Variants in DPYD observed in about 807,000 individuals in gnomAD.
DPYD encodes the protein dihydropyrimidine dehydrogenase [NADP(+)].
In DPYD, 109 loss-of-function variants were observed where a neutral mutation model predicts 116.2. That is an observed-to-expected ratio of 0.94 (90% CI 0.80 to 1.10). DPYD has a LOEUF of 1.10. Ranked by LOEUF, DPYD falls within the 50% of genes least tolerant of loss-of-function variation. The pLI is 0.00. For synonymous variants in DPYD, 440 were observed against 432.0 expected, an observed-to-expected ratio of 1.02 and a Z score of -0.23; for missense variants, 1,302 against 1,254.5, an observed-to-expected ratio of 1.04 and a Z score of -0.57.
At chr1:97,229,191 G>A (rs1378616338) in intron 19 of DPYD, among the ~76,000 whole-genome samples, 14 of 120,078 alleles carry the variant, frequency 1.2e-4, no homozygotes, top group Non-Finnish European at 2.0e-4. Context: ...GCAACAGTGC[G>A]AGACTCCTTC....
intron 8 of DPYD, among the ~76,000 whole-genome samples, chr1:97,665,450 T>C (rs901025934): frequency 2.6e-5 from 4 of 152,106 alleles, no homozygotes; most frequent in Non-Finnish European, 5.9e-5. Context: ...TTTCTAAGTA[T>C]CACAAAGGCC....
At chr1:97,389,864 C>CAAAA (rs11406485) in intron 14 of DPYD, among the ~76,000 whole-genome samples, 11,766 of 142,344 alleles carry the variant, frequency 0.083, 615 homozygotes, top group African/African-American at 0.15. Flanking sequence ...GCTTATTTGG[C>CAAAA]AAAAAAAAAA....
At chr1:97,339,674 T>G (rs1260013807) in intron 16 of DPYD, among the ~76,000 whole-genome samples, 2 of 152,194 alleles carry the variant, frequency 1.3e-5, no homozygotes, top group Non-Finnish European at 2.9e-5. Context: ...AGCAAATCTC[T>G]TCTTTACAAG....
intron 4 of DPYD, among the ~76,000 whole-genome samples, chr1:97,724,654 T>A (rs1247877384): frequency 2.0e-5 from 3 of 151,536 alleles, no homozygotes; most frequent in Admixed American, 1.3e-4. Flanking sequence ...GAGGCTCACC[T>A]ACACTTGGGA....
chr1:97,920,221 T>TAA (rs11442543), intron 1 of DPYD, among the ~76,000 whole-genome samples: 1 of 152,022 alleles, frequency 6.6e-6, no homozygotes, highest in African/African-American at 2.4e-5. Context: ...CTTATTTACA[T>TAA]AAAAAAAGAT....
At chr1:97,176,760 A>G (rs1657288107) in intron 20 of DPYD, among the ~76,000 whole-genome samples, 1 of 152,034 alleles carries the variant, frequency 6.6e-6, no homozygotes, top group South Asian at 2.1e-4. Flanking sequence ...ACAGATTTGG[A>G]AGATAACAAT....
intron 20 of DPYD, among the ~76,000 whole-genome samples, chr1:97,137,583 C>T (rs551248804): frequency 1.1e-4 from 16 of 152,258 alleles, no homozygotes; most frequent in Non-Finnish European, 1.9e-4. Flanking sequence ...GACATTCTGT[C>T]GGCTCTGTAT....
Position 97,102,325 on chromosome 1 carries a change from T to C in DPYD, c.2623-3693A>G, listed in dbSNP as rs139670567. On this transcript the variant is annotated intron_variant, in intron 20 of 22. Transcript: ENST00000370192. ...CATAACAAGAAGACAAGTAATTACT[T>C]TGATATCTAAATTGTAATATGTGAA... 1.3e-3 allele frequency among the ~76,000 whole-genome samples: 187 copies of C among 149,260 alleles called. 2 individuals are homozygous for C. In the East Asian group the frequency reaches 0.013, roughly 10 times the overall value.
Position 97,531,882 on chromosome 1 carries a change from A to C in DPYD, c.1525-15941T>G, listed in dbSNP as rs369068276. On this transcript the variant is annotated intron_variant, in intron 12 of 22. Coordinates refer to ENST00000370192, the MANE Select transcript of DPYD (RefSeq NM_000110.4). Reference sequence around the variant, plus strand: ...TAAGTACTTTATTCTTTCTGGTCTTATTGTAAATGGATTTTTTTCTTAATT... The same window carrying C: ...TAAGTACTTTATTCTTTCTGGTCTTCTTGTAAATGGATTTTTTTCTTAATT... Among the ~76,000 whole-genome samples, 54 of 152,090 alleles carry C rather than the reference A, an allele frequency of 3.6e-4. 1 individual carries two copies. In the South Asian group the frequency reaches 8.3e-3, roughly 23 times the overall value.
intron 8 of DPYD, among the ~76,000 whole-genome samples, chr1:97,658,915 G>T (rs1043612526): frequency 6.6e-6 from 1 of 152,012 alleles, no homozygotes; most frequent in Non-Finnish European, 1.5e-5. Flanking sequence ...CTGAACACCT[G>T]GCTCTCTGGA....
chr1:97,367,366 G>C (rs536990465), intron 16 of DPYD, among the ~76,000 whole-genome samples: 2 of 151,664 alleles, frequency 1.3e-5, no homozygotes, highest in East Asian at 3.9e-4. Context: ...ATTGCTCTGG[G>C]TGGTATTTGG....
At chr1:97,122,813 A>AT (rs1043197642) in intron 20 of DPYD, among the ~76,000 whole-genome samples, 21 of 151,316 alleles carry the variant, frequency 1.4e-4, no homozygotes, top group African/African-American at 4.1e-4. Context: ...TGCTATCTTT[A>AT]TTTTTTTTTC....
intron 14 of DPYD, among the ~76,000 whole-genome samples, chr1:97,400,878 G>A (rs995590040): frequency 6.6e-6 from 1 of 151,940 alleles, no homozygotes; most frequent in Non-Finnish European, 1.5e-5. Flanking sequence ...TATCAATTTT[G>A]TTGAGATCAC....
At chr1:97,589,143 G>A (rs1361245367) in intron 10 of DPYD, among the ~76,000 whole-genome samples, 1 of 152,212 alleles carries the variant, frequency 6.6e-6, no homozygotes, top group Non-Finnish European at 1.5e-5. Flanking sequence ...AGAGAAATGG[G>A]ATGTGTTTGT....
intron 2 of DPYD, among the ~76,000 whole-genome samples, chr1:97,880,508 T>G (rs199645333): frequency 6.6e-6 from 1 of 151,926 alleles, no homozygotes; most frequent in African/African-American, 2.4e-5. Flanking sequence ...AGCTTCATAT[T>G]TCACTTTTGG....
chr1:97,777,486 C>T (rs979509912), intron 3 of DPYD, among the ~76,000 whole-genome samples: 2 of 152,178 alleles, frequency 1.3e-5, no homozygotes, highest in African/African-American at 4.8e-5. Context: ...AGGGACCTTA[C>T]AGATGATCAA....
In DPYD at chr1:97,408,108, A is replaced by T. The variant is rs182957029; in HGVS notation, c.1906-25647T>A. Reference sequence around the variant, plus strand: ...GCCCTATGATTAACGTCAATGGGAAACTACAACAACCCAATCCAGGCTGGA... The same window carrying T: ...GCCCTATGATTAACGTCAATGGGAATCTACAACAACCCAATCCAGGCTGGA... On this transcript the variant is annotated intron_variant, in intron 14 of 22. Transcript: ENST00000370192. 2.6e-3 allele frequency among the ~76,000 whole-genome samples: 397 copies of T among 152,254 alleles called. 4 individuals are homozygous for T. The highest frequency in any genetic ancestry group is 8.8e-3 in the African/African-American group (366 of 41,554).
At chr1:97,119,899 C>G (rs1451478561) in intron 20 of DPYD, among the ~76,000 whole-genome samples, 3 of 152,134 alleles carry the variant, frequency 2.0e-5, no homozygotes, top group Non-Finnish European at 4.4e-5. Context: ...CAAAACAAAG[C>G]CAGTGCTTCA....
intron 8 of DPYD, among the ~76,000 whole-genome samples, chr1:97,661,555 A>C (rs1002226577): frequency 1.4e-4 from 21 of 152,198 alleles, no homozygotes; most frequent in Admixed American, 1.0e-3. Flanking sequence ...GTGTTAAGAC[A>C]TATACTACGC....
Sources: allele counts gnomAD v4.1 joint callset (sites outside exome capture counted in the v4.1 genomes callset), GRCh38; gene constraint gnomAD v4.1.1; transcripts MANE v1.5; gene names NCBI Gene and HGNC (gene_info 2026-07-23, HGNC 2026-07-21).